The following TRIM9 variants were observed in gnomAD, a reference collection of about 807,000 sequenced individuals.
TRIM9 encodes tripartite motif containing 9.
A neutral mutation model predicts 78.3 loss-of-function variants in TRIM9; 26 were observed. The ratio of observed to expected loss-of-function variants is 0.33; its 90% CI spans 0.24 to 0.46. The LOEUF is 0.46. TRIM9 is among the 20% of genes least tolerant of loss of function. The pLI, the probability that TRIM9 is intolerant of heterozygous loss-of-function variation, is 1.00. For synonymous variants in TRIM9, 398 were observed against 416.5 expected (o/e 0.96, Z 0.54); for missense variants, 787 against 1,036.4 (o/e 0.76, Z 3.30).
intron 1 of TRIM9, among the ~76,000 whole-genome samples, chr14:51,026,713 CA>C (rs1596209051): frequency 1.3e-5 from 2 of 152,076 alleles, no homozygotes; most frequent in East Asian, 3.9e-4. Context: ...ATATGCACAC[CA>C]AATGCTTGGT....
At chr14:51,092,352 C>T (rs757531805) in intron 1 of TRIM9, among the ~76,000 whole-genome samples, 1 of 152,130 alleles carries the variant, frequency 6.6e-6, no homozygotes, top group Non-Finnish European at 1.5e-5. Flanking sequence ...CACATTCAAC[C>T]GGGTTAAGGA....
intron 2 of TRIM9, among the ~76,000 whole-genome samples, chr14:51,024,228 G>A (rs547167996): frequency 1.2e-4 from 19 of 152,272 alleles, no homozygotes; most frequent in African/African-American, 4.6e-4. Context: ...AAGAGGCCCG[G>A]GCAGAGGCAA....
Position 51,094,939 on chromosome 14 carries a change from TG to T in TRIM9, c.-1del. 1 of 1,480,606 alleles carries T rather than the reference TG, an allele frequency of 6.8e-7. No homozygotes were observed. The highest frequency in any genetic ancestry group is 9.0e-7 in the Non-Finnish European group (1 of 1,115,626). The allele number at this position is 1,480,606 out of a possible 1,614,324, so 91.7% of individuals were successfully genotyped here. On this transcript the variant is annotated 5_prime_UTR_variant, in exon 1 of 13. Transcript: ENST00000684578. ...TTCAACTCCTCTTCCATCTCCTCCATGGGGACCGGTCTGGGAGGAGACAGCG... is the reference window on the plus strand; with the variant it reads ...TTCAACTCCTCTTCCATCTCCTCCATGGGACCGGTCTGGGAGGAGACAGCG...
intron 7 of TRIM9, chr14:50,995,969 TA>T: frequency 2.8e-6 from 1 of 358,654 alleles, no homozygotes; most frequent in Non-Finnish European, 3.9e-6. Context: ...TCTTTTTTTT[TA>T]AAATAAGCTA....
At chr14:50,988,574 C>CTTTTTTTT (rs67154650) in intron 7 of TRIM9, among the ~76,000 whole-genome samples, 1 of 138,256 alleles carries the variant, frequency 7.2e-6, no homozygotes. Context: ...ACAACCATTT[C>CTTTTTTTT]TTTTTTTTTT....
In TRIM9 at chr14:50,996,364, A is replaced by T. The variant is rs189813804; in HGVS notation, c.1603+1686T>A. ...TTATTAAATTAGACACCATAATCTT[A>T]TGAACATTAAAATAAACTGAGGCGC... On this transcript the variant is annotated intron_variant, in intron 7 of 12. Coordinates refer to ENST00000684578, the MANE Select transcript of TRIM9 (RefSeq NM_001387360.1). The T allele has an allele frequency of 2.4e-3, 2,333 of 985,442 alleles. 52 individuals carry two copies. The African/African-American group carries it at 0.038, about 16-fold the overall frequency. 61.0% of individuals were successfully genotyped at this position (985,442 alleles called of 1,614,324 possible).
intron 6 of TRIM9, 105 bp from the exon 7 acceptor site, chr14:50,998,293 T>A: frequency 9.2e-7 from 1 of 1,081,312 alleles, no homozygotes; most frequent in Non-Finnish European, 1.3e-6. Context: ...GGTGTCATTC[T>A]AATCTGGATT....
intron 1 of TRIM9, among the ~76,000 whole-genome samples, chr14:51,045,140 C>T (rs1198058620): frequency 1.3e-5 from 2 of 152,200 alleles, no homozygotes; most frequent in Non-Finnish European, 1.5e-5. Context: ...GCCTGCAAGC[C>T]ACCAGCTGCT....
intron 1 of TRIM9, among the ~76,000 whole-genome samples, chr14:51,093,879 C>G (rs1181660923): frequency 6.6e-6 from 1 of 152,254 alleles, no homozygotes; most frequent in Admixed American, 6.5e-5. Context: ...CAGCGCGCCC[C>G]GAGAGACCCG....
At chr14:51,000,892 G>A in intron 5 of TRIM9, 52 bp from the exon 6 acceptor site, 2 of 1,603,742 alleles carry the variant, frequency 1.2e-6, no homozygotes, top group Non-Finnish European at 1.7e-6. Context: ...AGATATTCCA[G>A]TATCTTAGAA....
intron 8 of TRIM9, among the ~76,000 whole-genome samples, chr14:50,984,377 T>A (rs2052419477): frequency 6.6e-6 from 1 of 152,246 alleles, no homozygotes; most frequent in Non-Finnish European, 1.5e-5. Flanking sequence ...GACTAATGGC[T>A]GAGTTAAAAA....
chr14:51,049,400 C>G (rs561890091), intron 1 of TRIM9, among the ~76,000 whole-genome samples: 1 of 152,292 alleles, frequency 6.6e-6, no homozygotes, highest in South Asian at 2.1e-4. Flanking sequence ...CTTACCTAAT[C>G]CTTTCAGGCA....
At chr14:51,025,853 A>G (rs776787031) in intron 1 of TRIM9, among the ~76,000 whole-genome samples, 10 of 152,080 alleles carry the variant, frequency 6.6e-5, no homozygotes, top group Non-Finnish European at 1.2e-4. Context: ...CACAAATTCA[A>G]TGGGCAGGAT....
intron 12 of TRIM9, chr14:50,979,166 C>G: frequency 7.0e-7 from 1 of 1,431,534 alleles, no homozygotes; most frequent in Non-Finnish European, 9.2e-7. Context: ...TTCCTATGTG[C>G]TATTAACTAG....
At chr14:51,082,834 G>C (rs2063424331) in intron 1 of TRIM9, among the ~76,000 whole-genome samples, 1 of 152,176 alleles carries the variant, frequency 6.6e-6, no homozygotes, top group South Asian at 2.1e-4. Context: ...TTGTCAGGAG[G>C]AGTGTGACCA....
At chr14:50,986,355 C>A (rs2052712297) in intron 7 of TRIM9, 1 of 382,166 alleles carries the variant, frequency 2.6e-6, no homozygotes, top group Admixed American at 4.5e-5. Context: ...ACACCTCGAA[C>A]AACAAAGGCA....
intron 11 of TRIM9, among the ~76,000 whole-genome samples, chr14:50,980,594 A>G (rs1256151369): frequency 2.0e-5 from 3 of 152,246 alleles, no homozygotes; most frequent in African/African-American, 7.2e-5. Flanking sequence ...GTTTCTCTGC[A>G]TAGTGTGATG....
Position 50,998,333 on chromosome 14 carries a change from T to A in TRIM9, c.1465-145A>T, listed in dbSNP as rs34153026. On this transcript the variant is annotated intron_variant, in intron 6 of 12. Transcript: ENST00000684578. The stretch of plus-strand genomic sequence containing the variant: ...TCCTGTGAGATATTGGGCCATTTAA[T>A]TTACCTTTTTAGCCTCAGTTTCCTA... The A allele has an allele frequency of 1.0e-3, 760 of 730,676 alleles. 1 individual carries two copies. The highest frequency in any genetic ancestry group is 1.4e-3 in the Non-Finnish European group (645 of 448,888). 45.3% of individuals were successfully genotyped at this position (730,676 alleles called of 1,614,324 possible).
chr14:51,024,171 T>G (rs558751647), intron 2 of TRIM9, among the ~76,000 whole-genome samples: 1 of 152,352 alleles, frequency 6.6e-6, no homozygotes, highest in African/African-American at 2.4e-5. Context: ...CTTCTCCTTG[T>G]AAGCTCTGTC....
Sources: allele counts gnomAD v4.1 joint callset (sites outside exome capture counted in the v4.1 genomes callset), GRCh38; gene constraint gnomAD v4.1.1; transcripts MANE v1.5; gene names NCBI Gene and HGNC (gene_info 2026-07-23, HGNC 2026-07-21).